The following TTC29 variants were observed in gnomAD, a reference collection of about 807,000 sequenced individuals.
TTC29 encodes the protein tetratricopeptide repeat domain 29, also known as tetratricopeptide repeat protein 29.
Under a neutral mutation model 58.1 loss-of-function variants are expected in TTC29, and 49 were observed. The observed-to-expected ratio is 0.84, with a 90% confidence interval of 0.67 to 1.07. TTC29 has a LOEUF of 1.07. TTC29 is among the 50% of genes least tolerant of loss of function. The pLI is 0.00. For synonymous variants in TTC29, 209 were observed against 196.8 expected, an observed-to-expected ratio of 1.06 and a Z score of -0.52; for missense variants, 582 against 555.6, an observed-to-expected ratio of 1.05 and a Z score of -0.48.
chr4:146,818,152 C>G lies in TTC29; in HGVS notation c.1101+1973G>C, dbSNP rs1561154965. Reference sequence around the variant, plus strand: ...ACCATCAGAGTGAACAGGCAACCTACAAAATGGGAGAAAATTTTCACAATC... The same window carrying G: ...ACCATCAGAGTGAACAGGCAACCTAGAAAATGGGAGAAAATTTTCACAATC... On this transcript the variant is annotated intron_variant, in intron 10 of 12. Coordinates refer to ENST00000325106, the MANE Select transcript of TTC29 (RefSeq NM_031956.4). 3.3e-5 allele frequency among the ~76,000 whole-genome samples: 5 copies of G among 152,134 alleles called. No homozygotes were observed. In the South Asian group the frequency reaches 1.0e-3, roughly 32 times the overall value.
At chr4:146,793,783 A>C (rs975606060) in intron 11 of TTC29, among the ~76,000 whole-genome samples, 5 of 152,256 alleles carry the variant, frequency 3.3e-5, no homozygotes, top group Admixed American at 2.6e-4. Context: ...AGAAAGCTGA[A>C]GTTTTTTAAA....
At chr4:146,869,136 A>T (rs150889651) in intron 7 of TTC29, among the ~76,000 whole-genome samples, 20 of 151,716 alleles carry the variant, frequency 1.3e-4, no homozygotes, top group African/African-American at 4.8e-4. Context: ...TTCTTTATAA[A>T]TTACCCACCC....
chr4:146,768,822 T>C (rs1747514357), intron 11 of TTC29, among the ~76,000 whole-genome samples: 2 of 152,044 alleles, frequency 1.3e-5, no homozygotes, highest in Admixed American at 6.6e-5. Flanking sequence ...TTTTTAATGA[T>C]GGCCCTAATT....
intron 11 of TTC29, among the ~76,000 whole-genome samples, chr4:146,740,488 T>C (rs1745044449): frequency 6.6e-6 from 1 of 152,088 alleles, no homozygotes; most frequent in Admixed American, 6.6e-5. Flanking sequence ...AATGTGCAGG[T>C]TAGTTACATA....
intron 11 of TTC29, among the ~76,000 whole-genome samples, chr4:146,740,098 G>A (rs1203499739): frequency 6.6e-6 from 1 of 152,132 alleles, no homozygotes; most frequent in Non-Finnish European, 1.5e-5. Context: ...AGAAGCAGAG[G>A]CTCCACATGC....
At chr4:146,888,223 C>T (rs1455517865) in intron 6 of TTC29, among the ~76,000 whole-genome samples, 1 of 152,122 alleles carries the variant, frequency 6.6e-6, no homozygotes, top group Non-Finnish European at 1.5e-5. Context: ...GATTTGCATC[C>T]TCTACGTAGA....
At chr4:146,832,843 C>T (rs17021993) in intron 9 of TTC29, among the ~76,000 whole-genome samples, 10 of 152,140 alleles carry the variant, frequency 6.6e-5, no homozygotes, top group African/African-American at 9.6e-5. Flanking sequence ...GTGATGACTG[C>T]GTTTTATTTA....
At chr4:146,741,501 T>TG (rs907954338) in intron 11 of TTC29, among the ~76,000 whole-genome samples, 9 of 151,148 alleles carry the variant, frequency 6.0e-5, no homozygotes, top group Admixed American at 4.6e-4. Context: ...TTTTTTTTTT[T>TG]GCTTACTTTA....
intron 11 of TTC29, among the ~76,000 whole-genome samples, chr4:146,744,314 T>C (rs1292081587): frequency 6.6e-6 from 1 of 151,202 alleles, no homozygotes; most frequent in Non-Finnish European, 1.5e-5. Flanking sequence ...GGAGGATCAC[T>C]CGAGGCCAGG....
intron 11 of TTC29, among the ~76,000 whole-genome samples, chr4:146,753,551 G>T (rs1746191168): frequency 1.3e-5 from 2 of 152,088 alleles, no homozygotes; most frequent in East Asian, 3.9e-4. Context: ...CCTATTGCTG[G>T]ATATATATAC....
chr4:146,925,194 A>G (rs776615252), intron 4 of TTC29, among the ~76,000 whole-genome samples: 15 of 152,030 alleles, frequency 9.9e-5, no homozygotes, highest in Non-Finnish European at 1.5e-4. Flanking sequence ...TGTTTGGTGG[A>G]ATATTCTGTA....
intron 11 of TTC29, among the ~76,000 whole-genome samples, chr4:146,802,889 C>A (rs1214176753): frequency 2.6e-5 from 4 of 152,076 alleles, no homozygotes; most frequent in African/African-American, 4.8e-5. Context: ...ATAATACTGA[C>A]CCCTGCATCC....
At chr4:146,907,791 C>T (rs1019023513) in intron 5 of TTC29, among the ~76,000 whole-genome samples, 17 of 152,300 alleles carry the variant, frequency 1.1e-4, no homozygotes, top group South Asian at 2.1e-4. Flanking sequence ...TGAGCCACCG[C>T]GCCCAGCCAA....
chr4:146,872,180 C>T (rs769361853), intron 7 of TTC29, among the ~76,000 whole-genome samples: 4 of 151,904 alleles, frequency 2.6e-5, no homozygotes, highest in African/African-American at 7.3e-5. Flanking sequence ...AGTACTAGTA[C>T]AATTGGATAT....
At chr4:146,779,637 G>C (rs1414856033) in intron 11 of TTC29, among the ~76,000 whole-genome samples, 1 of 152,080 alleles carries the variant, frequency 6.6e-6, no homozygotes, top group Non-Finnish European at 1.5e-5. Flanking sequence ...ATGGTCTGAG[G>C]TTTTAGAGCA....
chr4:146,788,356 G>A (rs1749187163), intron 11 of TTC29, among the ~76,000 whole-genome samples: 1 of 152,116 alleles, frequency 6.6e-6, no homozygotes, highest in Admixed American at 6.6e-5. Flanking sequence ...ACTAATGTGG[G>A]GCACATTATT....
chr4:146,929,141 C>T (rs1199518270), intron 4 of TTC29, among the ~76,000 whole-genome samples: 1 of 152,088 alleles, frequency 6.6e-6, no homozygotes, highest in Non-Finnish European at 1.5e-5. Context: ...TTTCCAGCAA[C>T]ACAAATCTTT....
At chr4:146,762,483 T>G (rs796108510) in intron 11 of TTC29, among the ~76,000 whole-genome samples, 18 of 151,956 alleles carry the variant, frequency 1.2e-4, no homozygotes, top group African/African-American at 3.9e-4. Flanking sequence ...ATAACGTATA[T>G]AGTAGGCAAC....
chr4:146,838,396 T>C (rs916731963), intron 8 of TTC29, among the ~76,000 whole-genome samples: 1 of 69,308 alleles, frequency 1.4e-5, no homozygotes, highest in Non-Finnish European at 2.6e-5. Context: ...GATTGTCAAC[T>C]GTCAAAAAAA....
Sources: gnomAD v4.1 joint callset for allele counts (sites outside exome capture counted in the v4.1 genomes callset) on GRCh38, gnomAD v4.1.1 for gene constraint, MANE v1.5 for transcripts, NCBI Gene and HGNC (gene_info 2026-07-23, HGNC 2026-07-21) for gene names.